The following NSUN7 variants were observed in gnomAD, a reference collection of about 807,000 sequenced individuals.
The protein encoded by NSUN7 is protein NSUN7.
NSUN7 carries 39 observed loss-of-function variants against 58.5 expected under a neutral mutation model. The ratio of observed to expected loss-of-function variants is 0.67; its 90% CI spans 0.52 to 0.87. NSUN7 has a LOEUF of 0.87. NSUN7 is among the 40% of genes least tolerant of loss of function. The probability of loss-of-function intolerance (pLI) is 0.00; values close to 1 mark genes in which losing one functional copy is unlikely to be tolerated. For missense variants in NSUN7, 765 were observed against 844.1 expected (o/e 0.91, Z 1.16); for synonymous variants, 278 against 303.7 (o/e 0.92, Z 0.88).
chr4:40,757,583 A>G (rs1464303787), intron 2 of NSUN7, among the ~76,000 whole-genome samples: 2 of 146,014 alleles, frequency 1.4e-5, no homozygotes, highest in Admixed American at 6.8e-5. Flanking sequence ...TTGCATATAT[A>G]TATACACATT....
intron 4 of NSUN7, among the ~76,000 whole-genome samples, chr4:40,765,722 G>A (rs1741692553): frequency 6.6e-6 from 1 of 152,202 alleles, no homozygotes; most frequent in African/African-American, 2.4e-5. Flanking sequence ...AGCATGGAAT[G>A]TTCTTCCATT....
At chr4:40,786,409 G>A (rs2154288373) in intron 7 of NSUN7, 1 of 1,612,012 alleles carries the variant, frequency 6.2e-7, no homozygotes, top group South Asian at 1.1e-5. Context: ...TGTGTTTGTT[G>A]TGGACTCTGT....
In NSUN7 at chr4:40,790,577, T is replaced by G. The variant is rs779180213; in HGVS notation, c.1037-25T>G. 2.9e-6 allele frequency: 4 copies of G among 1,399,662 alleles called. No homozygotes were observed. In the South Asian group the frequency reaches 3.8e-5, roughly 13 times the overall value. 86.7% of individuals were successfully genotyped at this position (1,399,662 alleles called of 1,614,324 possible). A position where few individuals can be genotyped will look rare whatever the true frequency, so the allele number is the denominator to read the frequency against. On this transcript the variant is annotated intron_variant, in intron 7 of 11. Transcript: ENST00000381782. ...AAGATTTTTCATTAATATTTTACATTAAATTTTCTGTGTTTTTTCCCCAGA... is the reference window on the plus strand; with the variant it reads ...AAGATTTTTCATTAATATTTTACATGAAATTTTCTGTGTTTTTTCCCCAGA...
At chr4:40,786,512 A>G in intron 7 of NSUN7, 1 of 1,613,328 alleles carries the variant, frequency 6.2e-7, no homozygotes, top group Non-Finnish European at 8.5e-7. Context: ...ATAGTTGCTA[A>G]CAAACAAGAT....
intron 2 of NSUN7, among the ~76,000 whole-genome samples, chr4:40,752,717 G>GC (rs201710275): frequency 1.1e-5 from 1 of 87,960 alleles, no homozygotes; most frequent in Non-Finnish European, 2.4e-5. Flanking sequence ...ACTGCACCTG[G>GC]CCCCCCATCT....
intron 10 of NSUN7, among the ~76,000 whole-genome samples, chr4:40,801,402 TAATTTTA>T (rs1743574098): frequency 6.6e-6 from 1 of 152,216 alleles, no homozygotes; most frequent in African/African-American, 2.4e-5. Context: ...AAATGTTCAA[TAATTTTA>T]AATTGTTATA....
intron 10 of NSUN7, among the ~76,000 whole-genome samples, chr4:40,801,915 A>G (rs1433343545): frequency 1.1e-4 from 16 of 150,446 alleles, no homozygotes; most frequent in South Asian, 2.1e-4. Context: ...AAAAAAAAAA[A>G]AAAAGAAAAG....
rs543071665 is a variant in NSUN7, at chr4:40,808,815, G to A, written c.2033G>A (p.Arg678His). ...SRMPTQHLYC[R>H]WVAPKALVPT... ...ATGCCAACTCAACATTTGTACTGTCGTTGGGTTGCACCCAAGGCACTTGTG... is the reference window on the plus strand; with the variant it reads ...ATGCCAACTCAACATTTGTACTGTCATTGGGTTGCACCCAAGGCACTTGTG... The change falls in exon 12 of 12, where the codon CGT becomes CAT. Residue 678 changes from arginine (R) to histidine (H), a missense_variant. By Grantham distance (29) the Arg-to-His change is conservative. Coordinates refer to ENST00000381782, the MANE Select transcript of NSUN7 (RefSeq NM_024677.6). The A allele has an allele frequency of 1.9e-5, 30 of 1,549,140 alleles. No individual in the cohort carries two copies. The East Asian group carries it at 4.7e-4, about 24-fold the overall frequency.
intron 10 of NSUN7, among the ~76,000 whole-genome samples, chr4:40,804,300 C>T (rs917616026): frequency 6.6e-6 from 1 of 151,894 alleles, no homozygotes. Flanking sequence ...ATTAGCCAGG[C>T]GTGGTGTCAG....
At position 40,761,254 on chromosome 4, in the gene NSUN7, T is replaced by C; in HGVS notation, c.441T>C (p.Asn147=). Residue 147 remains asparagine, a synonymous_variant, in exon 4 of 12, where the codon AAT becomes AAC. Transcript: ENST00000381782. The part of the protein sequence containing the change: ...RKFQTRVLSD[N]EEPISEVQEV... ...TTCAAACTCGTGTCCTTTCTGATAA[T>C]GAAGAGCCCATATCAGAAGTTCAAG... is the stretch of plus-strand genomic sequence containing the variant. 1 of 1,592,160 alleles carries C rather than the reference T, an allele frequency of 6.3e-7. No individual in the cohort carries two copies. The highest frequency in any genetic ancestry group is 1.2e-5 in the South Asian group (1 of 86,506).
rs376787204 is a variant in NSUN7 at position 40,787,036 on chromosome 4, GA to G, written c.1037-3554del. On this transcript the variant is annotated intron_variant, in intron 7 of 11. Transcript: ENST00000381782. ...TTAGTGAAATAAAACTTTAAAGAGTGAAAAAAAAAAAAGAAAAATAGCATCA... is the reference window on the plus strand; with the variant it reads ...TTAGTGAAATAAAACTTTAAAGAGTGAAAAAAAAAAAGAAAAATAGCATCA... 6.3e-3 allele frequency among the ~76,000 whole-genome samples: 853 copies of G among 135,490 alleles called. 8 individuals carry two copies. Among genetic ancestry groups the G allele is most frequent in the African/African-American group, 0.021 (761 of 36,696 alleles). The allele number at this position is 135,490 out of a possible 152,430, so 88.9% of individuals were successfully genotyped here.
chr4:40,750,893 T>G lies in NSUN7; in HGVS notation c.200T>G (p.Leu67Ter), dbSNP rs1560542027. ...ATCGAAAAGTCGGCACAGAAAGTCTTAATCAAGTATGGGAATGAACCCCTG... is the reference window on the plus strand; with the variant it reads ...ATCGAAAAGTCGGCACAGAAAGTCTGAATCAAGTATGGGAATGAACCCCTG... ...IRIEKSAQKV[L>*]IKYGNEPLRS... The change falls in exon 2 of 12, where the codon TTA becomes TGA. Residue 67 changes from leucine to a stop codon, truncating the protein, a stop_gained. Coordinates refer to ENST00000381782, the MANE Select transcript of NSUN7 (RefSeq NM_024677.6). LOFTEE classifies it high-confidence loss of function. 1.2e-6 allele frequency: 2 copies of G among 1,614,190 alleles called. No individual in the cohort carries two copies. Among genetic ancestry groups the G allele is most frequent in the Non-Finnish European group, 1.7e-6 (2 of 1,180,032 alleles).
chr4:40,786,780 T>C, intron 7 of NSUN7: 1 of 1,444,964 alleles, frequency 6.9e-7, no homozygotes, highest in Non-Finnish European at 9.3e-7. Flanking sequence ...AATAGAAGAG[T>C]GTCTACAGCG....
chr4:40,763,770 T>C (rs1741574784), intron 4 of NSUN7, among the ~76,000 whole-genome samples: 1 of 152,210 alleles, frequency 6.6e-6, no homozygotes, highest in South Asian at 2.1e-4. Context: ...ACTACCTGCC[T>C]TAACACATAT....
At chr4:40,751,400 G>A (rs1740826790) in intron 2 of NSUN7, among the ~76,000 whole-genome samples, 1 of 151,978 alleles carries the variant, frequency 6.6e-6, no homozygotes, top group African/African-American at 2.4e-5. Flanking sequence ...TGGGATTACA[G>A]GCAGTGAGCC....
chr4:40,753,746 G>T (rs976450147), intron 2 of NSUN7, among the ~76,000 whole-genome samples: 1 of 152,066 alleles, frequency 6.6e-6, no homozygotes, highest in Non-Finnish European at 1.5e-5. Flanking sequence ...GAATTCCCAC[G>T]TATTGTGAGA....
chr4:40,788,545 C>T (rs1742937057), intron 7 of NSUN7, among the ~76,000 whole-genome samples: 1 of 152,222 alleles, frequency 6.6e-6, no homozygotes, highest in Non-Finnish European at 1.5e-5. Context: ...CCTTGTGATG[C>T]TGGAACTGTA....
At chr4:40,754,639 G>A (rs2437332) in intron 2 of NSUN7, among the ~76,000 whole-genome samples, 1,760 of 152,298 alleles carry the variant, frequency 0.012, 34 homozygotes, top group African/African-American at 0.04. Flanking sequence ...TTTTATAGGA[G>A]CTGTAAAACT....
intron 7 of NSUN7, among the ~76,000 whole-genome samples, chr4:40,787,036 G>GAAAA (rs376787204): frequency 1.5e-5 from 2 of 135,572 alleles, no homozygotes; most frequent in Non-Finnish European, 3.2e-5. Flanking sequence ...TTTAAAGAGT[G>GAAAA]AAAAAAAAAA....
Sources: allele counts gnomAD v4.1 joint callset (sites outside exome capture counted in the v4.1 genomes callset), GRCh38; gene constraint gnomAD v4.1.1; transcripts MANE v1.5; gene names NCBI Gene and HGNC (gene_info 2026-07-23, HGNC 2026-07-21).